ST6GALNAC5: variants seen among roughly 807,000 people sequenced by gnomAD.
The protein encoded by ST6GALNAC5 is ST6 N-acetylgalactosaminide alpha-2,6-sialyltransferase 5, also known as alpha-N-acetylgalactosaminide alpha-2,6-sialyltransferase 5.
ST6GALNAC5 carries 27 observed loss-of-function variants against 33.6 expected under a neutral mutation model. The ratio of observed to expected loss-of-function variants is 0.80; its 90% confidence interval spans 0.59 to 1.11. The LOEUF is 1.11. Among genes scored for constraint, ST6GALNAC5 ranks in the 50% least tolerant of loss-of-function variants. The pLI, the probability that ST6GALNAC5 is intolerant of heterozygous loss-of-function variation, is 0.00. For missense variants in ST6GALNAC5, 428 were observed against 454.0 expected, an observed-to-expected ratio of 0.94 and a Z score of 0.52; for synonymous variants, 194 against 171.2, an observed-to-expected ratio of 1.13 and a Z score of -1.04.
rs114586767 is a variant in ST6GALNAC5 at position 76,868,583 on chromosome 1, G to A, written c.102G>A (p.Glu34=). Residue 34 remains glutamate (E), a synonymous_variant, in exon 2 of 5, where the codon GAG becomes GAA. Coordinates refer to ENST00000477717, the MANE Select transcript of ST6GALNAC5 (RefSeq NM_030965.3). The surrounding 1 kb of genome is among the most constrained non-coding windows in gnomAD (Gnocchi z 4.3). ...ACAGCAGCCTCGGCGGCCAGAAGGA[G>A]CGGCCCCCGCAGCAGCAGCAGCAGC... ...LVYSSLGGQK[E]RPPQQQQQQQ... 29,163 of 1,612,154 alleles carry A rather than the reference G, an allele frequency of 0.018. 358 individuals carry two copies. Among genetic ancestry groups the A allele is most frequent in the Middle Eastern group, 0.026 (155 of 6,050 alleles).
intron 2 of ST6GALNAC5, among the ~76,000 whole-genome samples, chr1:77,011,012 A>T (rs560446344): frequency 6.6e-6 from 1 of 152,298 alleles, no homozygotes; most frequent in South Asian, 2.1e-4. Context: ...AAAACCGTTG[A>T]TCCTTTTCCT....
At chr1:76,924,577 T>A (rs1309102977) in intron 2 of ST6GALNAC5, among the ~76,000 whole-genome samples, 2 of 152,172 alleles carry the variant, frequency 1.3e-5, no homozygotes, top group Non-Finnish European at 2.9e-5. Flanking sequence ...CAATGACAAC[T>A]TCGCTGAAGA....
At chr1:76,892,733 C>T (rs1654040179) in intron 2 of ST6GALNAC5, among the ~76,000 whole-genome samples, 1 of 152,192 alleles carries the variant, frequency 6.6e-6, no homozygotes, top group African/African-American at 2.4e-5. Flanking sequence ...ATCAACTTTC[C>T]TATATCTGGA....
chr1:77,035,283 A>G (rs1651609077), intron 2 of ST6GALNAC5, among the ~76,000 whole-genome samples: 1 of 152,190 alleles, frequency 6.6e-6, no homozygotes. Context: ...AAATGACTAG[A>G]TGAAGTGAAT....
chr1:76,869,640 G>A (rs1176919474), intron 2 of ST6GALNAC5, among the ~76,000 whole-genome samples: 1 of 152,138 alleles, frequency 6.6e-6, no homozygotes, highest in Non-Finnish European at 1.5e-5. Flanking sequence ...TTTTGTGGTT[G>A]TGAACCGAAG....
chr1:76,948,733 A>C (rs1299649304), intron 2 of ST6GALNAC5, among the ~76,000 whole-genome samples: 2 of 152,134 alleles, frequency 1.3e-5, no homozygotes, highest in Non-Finnish European at 2.9e-5. Flanking sequence ...CTCCCACCAT[A>C]GTGAATATGA....
intron 2 of ST6GALNAC5, among the ~76,000 whole-genome samples, chr1:76,973,721 T>C (rs1648862153): frequency 6.6e-6 from 1 of 152,176 alleles, no homozygotes; most frequent in Non-Finnish European, 1.5e-5. Flanking sequence ...TAGTGCATTA[T>C]GATTTCATTT....
intron 2 of ST6GALNAC5, among the ~76,000 whole-genome samples, chr1:76,941,921 T>C (rs1252594): frequency 0.023 from 3,576 of 152,178 alleles, 132 homozygotes; most frequent in African/African-American, 0.082. Context: ...GGCCCTCCTC[T>C]GAATGCGAGG....
At chr1:76,877,744 G>C (rs1163209676) in intron 2 of ST6GALNAC5, among the ~76,000 whole-genome samples, 1 of 152,244 alleles carries the variant, frequency 6.6e-6, no homozygotes, top group South Asian at 2.1e-4. Context: ...GTGATATCTT[G>C]TGGGAGTGAA....
intron 2 of ST6GALNAC5, among the ~76,000 whole-genome samples, chr1:76,987,986 C>T (rs937296049): frequency 6.6e-6 from 1 of 152,058 alleles, no homozygotes; most frequent in African/African-American, 2.4e-5. Flanking sequence ...TTAGATTTCT[C>T]TTCTTCCTTA....
At chr1:76,942,721 C>T (rs1426298292) in intron 2 of ST6GALNAC5, among the ~76,000 whole-genome samples, 2 of 152,052 alleles carry the variant, frequency 1.3e-5, no homozygotes, top group African/African-American at 4.8e-5. Context: ...ATTAGATAAA[C>T]CAGACTCCAA....
At chr1:76,875,890 C>T (rs762244562) in intron 2 of ST6GALNAC5, among the ~76,000 whole-genome samples, 4 of 152,208 alleles carry the variant, frequency 2.6e-5, no homozygotes, top group Non-Finnish European at 2.9e-5. Context: ...GCCAGTCCAC[C>T]GTTCTATAAA....
At chr1:76,900,397 A>T (rs1646806445) in intron 2 of ST6GALNAC5, among the ~76,000 whole-genome samples, 1 of 152,218 alleles carries the variant, frequency 6.6e-6, no homozygotes, top group African/African-American at 2.4e-5. Context: ...ATTATCATTC[A>T]TAATAACCAG....
chr1:76,906,247 G>A (rs1305294651), intron 2 of ST6GALNAC5, among the ~76,000 whole-genome samples: 1 of 152,090 alleles, frequency 6.6e-6, no homozygotes, highest in Non-Finnish European at 1.5e-5. Flanking sequence ...AATATGACAA[G>A]AAAAGTTGCA....
At chr1:76,944,345 G>T (rs1228733719) in intron 2 of ST6GALNAC5, among the ~76,000 whole-genome samples, 1 of 152,054 alleles carries the variant, frequency 6.6e-6, no homozygotes, top group Admixed American at 6.6e-5. Context: ...TTATGATACA[G>T]CATGAAAAAG....
At chr1:76,943,114 A>C (rs1334064127) in intron 2 of ST6GALNAC5, among the ~76,000 whole-genome samples, 1 of 152,088 alleles carries the variant, frequency 6.6e-6, no homozygotes, top group Non-Finnish European at 1.5e-5. Flanking sequence ...ATGTTTGCTG[A>C]GATGTAAATT....
chr1:77,022,791 T>C (rs1205794801), intron 2 of ST6GALNAC5, among the ~76,000 whole-genome samples: 1 of 152,238 alleles, frequency 6.6e-6, no homozygotes, highest in Non-Finnish European at 1.5e-5. Flanking sequence ...CTTTTTTGTA[T>C]TGGCCCTTTT....
intron 2 of ST6GALNAC5, among the ~76,000 whole-genome samples, chr1:76,903,969 T>C (rs1646841226): frequency 6.6e-6 from 1 of 152,160 alleles, no homozygotes; most frequent in South Asian, 2.1e-4. Context: ...AAATTGACTG[T>C]GGGGGTGGTT....
At chr1:76,991,403 C>T (rs910767144) in intron 2 of ST6GALNAC5, among the ~76,000 whole-genome samples, 2 of 152,128 alleles carry the variant, frequency 1.3e-5, no homozygotes, top group Non-Finnish European at 2.9e-5. Context: ...GAACAAATGC[C>T]TGGATTTGAA....
Sources: gnomAD v4.1 joint callset for allele counts (sites outside exome capture counted in the v4.1 genomes callset) on GRCh38, gnomAD v4.1.1 for gene constraint, Gnocchi (gnomAD v3.1) non-coding constraint, MANE v1.5 for transcripts, NCBI Gene and HGNC (gene_info 2026-07-23, HGNC 2026-07-21) for gene names.